Variants in MED14 observed in about 807,000 individuals in gnomAD.
The protein encoded by MED14 is mediator complex subunit 14.
A neutral mutation model predicts 109.0 loss-of-function variants in MED14; 8 were observed. The observed-to-expected ratio is 0.07, with a 90% CI of 0.04 to 0.13. The LOEUF (loss-of-function observed/expected upper bound fraction) is 0.13. MED14 is among the 10% of genes least tolerant of loss of function. The pLI is 1.00. For missense variants in MED14, 711 were observed against 1,142.4 expected (o/e 0.62, Z 5.44); for synonymous variants, 399 against 408.7 (o/e 0.98, Z 0.29).
intron 12 of MED14, among the ~76,000 whole-genome samples, chrX:40,699,364 A>G (rs2146686778): frequency 8.9e-6 from 1 of 112,042 alleles, no homozygotes; most frequent in East Asian, 2.8e-4. Flanking sequence ...CAAATCATTG[A>G]ATTGTATACT....
chrX:40,728,823 CT>C (rs67780857), intron 2 of MED14, among the ~76,000 whole-genome samples: 76 of 103,135 alleles, frequency 7.4e-4, no homozygotes, highest in Middle Eastern at 4.9e-3. Context: ...AGCCAACTTT[CT>C]TTTTTTTTTT....
intron 12 of MED14, among the ~76,000 whole-genome samples, chrX:40,698,404 T>C (rs1384239383): frequency 1.8e-5 from 2 of 112,356 alleles, no homozygotes; most frequent in African/African-American, 6.5e-5. Context: ...TTTGTTATGA[T>C]TCTGAGGGAC....
Position 40,687,902 on chromosome X carries a change from C to T in MED14, c.2057+552G>A, listed in dbSNP as rs1930351061. On this transcript the variant is annotated intron_variant, in intron 16 of 30. Coordinates refer to ENST00000324817, the MANE Select transcript of MED14 (RefSeq NM_004229.4). ...ATCTGCTGAACGAATCAAAGAAATG[C>T]AGAGAAAAGACATCCAAAAATACCA... 2.7e-5 allele frequency among the ~76,000 whole-genome samples: 3 copies of T among 112,006 alleles called. No homozygotes were observed. The Admixed American group carries it at 2.8e-4, about 11-fold the overall frequency.
intron 3 of MED14, among the ~76,000 whole-genome samples, chrX:40,719,610 G>C (rs1006755238): frequency 9.0e-6 from 1 of 111,704 alleles, no homozygotes; most frequent in Admixed American, 9.5e-5. Context: ...CACATCTATT[G>C]AAACAAAGTA....
Position 40,649,475 on chromosome X carries a change from G to T in MED14, c.*2331C>A. The T allele has an allele frequency of 2.4e-6, 1 of 408,531 alleles. No individual in the cohort carries two copies. Among genetic ancestry groups the T allele is most frequent in the Non-Finnish European group, 3.3e-6 (1 of 299,217 alleles). 33.7% of individuals were successfully genotyped at this position (408,531 alleles called of 1,213,427 possible). ...ATCAGGACCAATTTCTTATTTCAAG[G>T]TTAAATTAATACTAAACCAGACTAT... On this transcript the variant is annotated 3_prime_UTR_variant, in exon 31 of 31. Coordinates refer to ENST00000324817, the MANE Select transcript of MED14 (RefSeq NM_004229.4).
intron 16 of MED14, 112 bp downstream of exon 16, chrX:40,688,342 A>G (rs1930371956): frequency 3.8e-6 from 2 of 521,889 alleles, no homozygotes; most frequent in East Asian, 7.1e-5. Context: ...GCAGAAATCC[A>G]CAACACCCAC....
intron 28 of MED14, 51 bp from the exon 29 acceptor site, chrX:40,655,111 A>G: frequency 8.8e-7 from 1 of 1,136,947 alleles, no homozygotes; most frequent in Non-Finnish European, 1.2e-6. Context: ...ATTTAAAATC[A>G]TATTCTAGGT....
rs56676419 is a variant in MED14, at chrX:40,723,667, G to GAAA, written c.348+3076_348+3078dup. 2.4e-3 allele frequency among the ~76,000 whole-genome samples: 44 copies of GAAA among 17,993 alleles called. 10 individuals are homozygous for GAAA. The highest frequency in any genetic ancestry group is 0.01 in the African/African-American group (41 of 3,917). 15.6% of individuals were successfully genotyped at this position (17,993 alleles called of 115,157 possible). Reference sequence around the variant, plus strand: ...GGCAACAGAGTGAGACTCCGTCTCAGAAAAAAAAAAAAAAAAAAAAAAAAA... The same window carrying GAAA: ...GGCAACAGAGTGAGACTCCGTCTCAGAAAAAAAAAAAAAAAAAAAAAAAAAAAA... On this transcript the variant is annotated intron_variant, in intron 3 of 30. Transcript: ENST00000324817.
At chrX:40,706,113 G>T (rs1931129894) in intron 10 of MED14, among the ~76,000 whole-genome samples, 1 of 111,386 alleles carries the variant, frequency 9.0e-6, no homozygotes, top group Admixed American at 9.6e-5. Context: ...AAAGCCAGCT[G>T]ATTTAAGGGT....
At position 40,714,576 on chromosome X, in the gene MED14, T is replaced by C. The variant is rs148450456; in HGVS notation, c.483A>G (p.Leu161=). The change falls in exon 4 of 31, where the codon CTA becomes CTG. Residue 161 remains leucine, a synonymous_variant. Coordinates refer to ENST00000324817, the MANE Select transcript of MED14 (RefSeq NM_004229.4). ...GCAGCCGTGGGTAAGATCCAGTAGT[T>C]AGTACATCAATGGCATATGGGATGG... is the stretch of plus-strand genomic sequence containing the variant. The part of the protein sequence containing the change: ...SFAIPYAIDV[L]TTGSYPRLPT... 7 of 1,209,769 alleles carry C rather than the reference T, an allele frequency of 5.8e-6. No homozygotes were observed. In the African/African-American group the frequency reaches 7.0e-5, roughly 12 times the overall value.
At chrX:40,674,558 C>G in intron 22 of MED14, among the ~76,000 whole-genome samples, 1 of 112,073 alleles carries the variant, frequency 8.9e-6, no homozygotes, top group Non-Finnish European at 1.9e-5. Context: ...GCTGTGTGCT[C>G]ATATACAACT....
At chrX:40,716,724 G>A (rs746674077) in intron 3 of MED14, among the ~76,000 whole-genome samples, 12 of 111,820 alleles carry the variant, frequency 1.1e-4, no homozygotes, top group African/African-American at 3.2e-4. Flanking sequence ...CAGGTTTACT[G>A]CAGCACTACT....
intron 2 of MED14, 49 bp downstream of exon 2, chrX:40,729,270 T>C (rs1931998101): frequency 3.5e-6 from 4 of 1,157,520 alleles, no homozygotes; most frequent in East Asian, 6.0e-5. Flanking sequence ...CCAACACTCA[T>C]AGATTGATCA....
At chrX:40,682,313 T>C (rs1930147506) in intron 18 of MED14, among the ~76,000 whole-genome samples, 1 of 111,920 alleles carries the variant, frequency 8.9e-6, no homozygotes, top group African/African-American at 3.2e-5. Flanking sequence ...GAAAACTCAT[T>C]TGTTAACACA....
At chrX:40,669,348 C>G (rs894670981) in intron 23 of MED14, among the ~76,000 whole-genome samples, 3 of 111,904 alleles carry the variant, frequency 2.7e-5, no homozygotes, top group Admixed American at 9.4e-5. Flanking sequence ...CTACTTCCTC[C>G]CTAGCTGCTA....
chrX:40,715,691 CAGG>C (rs1379229539), intron 3 of MED14, among the ~76,000 whole-genome samples: 1 of 102,630 alleles, frequency 9.7e-6, no homozygotes. Flanking sequence ...GAGGCTGAGG[CAGG>C]AGAATTGCTT....
chrX:40,705,271 G>C lies in MED14; in HGVS notation c.1286-1702C>G, dbSNP rs931031863. On this transcript the variant is annotated intron_variant, in intron 10 of 30. Coordinates refer to ENST00000324817, the MANE Select transcript of MED14 (RefSeq NM_004229.4). ...AGTGTCACAATTCCTGACAGGGTAGGAGTGAATTCTCTAAAGCAAAACCAT... is the reference window on the plus strand; with the variant it reads ...AGTGTCACAATTCCTGACAGGGTAGCAGTGAATTCTCTAAAGCAAAACCAT... Among the ~76,000 whole-genome samples the C allele has an allele frequency of 8.0e-5, 9 of 112,241 alleles. No individual in the cohort carries two copies. In the Admixed American group the frequency reaches 8.5e-4, roughly 11 times the overall value.
At chrX:40,681,168 T>C (rs1930099072) in intron 19 of MED14, among the ~76,000 whole-genome samples, 1 of 112,528 alleles carries the variant, frequency 8.9e-6, no homozygotes, top group African/African-American at 3.2e-5. Context: ...AAACTTTATT[T>C]GAAAATTATC....
At chrX:40,692,598 C>G in intron 14 of MED14, 110 bp downstream of exon 14, 5 of 753,788 alleles carry the variant, frequency 6.6e-6, no homozygotes, top group Non-Finnish European at 9.6e-6. Context: ...TTATTGCTGC[C>G]TCGTCTCTTA....
Sources: gnomAD v4.1 joint callset for allele counts (sites outside exome capture counted in the v4.1 genomes callset) on GRCh38, gnomAD v4.1.1 for gene constraint, MANE v1.5 for transcripts, NCBI Gene and HGNC (gene_info 2026-07-23, HGNC 2026-07-21) for gene names.